The following PTPRN2 variants were observed in gnomAD, a reference collection of about 807,000 sequenced individuals.
PTPRN2 encodes protein tyrosine phosphatase receptor type N2.
In PTPRN2, 74 loss-of-function variants were observed where a neutral mutation model predicts 118.8. That is an observed-to-expected ratio of 0.62 (90% CI 0.52 to 0.76). The LOEUF is 0.76. PTPRN2 is among the 30% of genes least tolerant of loss of function. The probability of loss-of-function intolerance (pLI) is 0.00; values close to 1 mark genes in which losing one functional copy is unlikely to be tolerated. For missense variants in PTPRN2, 1,481 were observed against 1,394.4 expected (o/e 1.06, Z -0.99); for synonymous variants, 641 against 608.0 (o/e 1.05, Z -0.80).
intron 11 of PTPRN2, among the ~76,000 whole-genome samples, chr7:157,991,196 G>C (rs1804229529): frequency 6.6e-6 from 1 of 152,190 alleles, no homozygotes; most frequent in African/African-American, 2.4e-5. Context: ...GGGCATGACG[G>C]GCTCTGCTGT....
At chr7:158,024,631 C>T (rs1460515149) in intron 11 of PTPRN2, among the ~76,000 whole-genome samples, 2 of 152,174 alleles carry the variant, frequency 1.3e-5, no homozygotes, top group Non-Finnish European at 2.9e-5. Context: ...GGATGTGGCT[C>T]CTGACCCCAT....
At chr7:158,150,738 C>G (rs1016969753) in intron 6 of PTPRN2, among the ~76,000 whole-genome samples, 1 of 151,920 alleles carries the variant, frequency 6.6e-6, no homozygotes. Context: ...GCAAAGCTCT[C>G]TTCTTTCCTG....
At chr7:157,602,279 G>A (rs1298741697) in intron 16 of PTPRN2, among the ~76,000 whole-genome samples, 5 of 152,264 alleles carry the variant, frequency 3.3e-5, no homozygotes, top group African/African-American at 4.8e-5. Flanking sequence ...TGTGGGCCAC[G>A]AATTGCGGGA....
chr7:157,606,045 CT>C (rs1408015210), intron 15 of PTPRN2, among the ~76,000 whole-genome samples: 1 of 152,254 alleles, frequency 6.6e-6, no homozygotes, highest in Non-Finnish European at 1.5e-5. Context: ...CTGAGCTGCC[CT>C]CAGCCCTCCT....
At chr7:157,827,784 C>T (rs538185470) in intron 12 of PTPRN2, among the ~76,000 whole-genome samples, 7 of 152,346 alleles carry the variant, frequency 4.6e-5, no homozygotes, top group African/African-American at 9.6e-5. Context: ...CCTGAGCTGC[C>T]GGCCCCGCCC....
At chr7:158,102,525 G>A (rs969683974) in intron 10 of PTPRN2, among the ~76,000 whole-genome samples, 2 of 152,116 alleles carry the variant, frequency 1.3e-5, no homozygotes, top group African/African-American at 4.8e-5. Context: ...TTTAACTAAG[G>A]AGGCATCCAC....
intron 12 of PTPRN2, among the ~76,000 whole-genome samples, chr7:157,877,340 C>T (rs1795836907): frequency 2.0e-5 from 3 of 149,316 alleles, no homozygotes; most frequent in Admixed American, 2.0e-4. Flanking sequence ...AGGGTTTTCT[C>T]GGGGACCCCG....
chr7:157,544,882 G>GA (rs1798203762), intron 22 of PTPRN2, among the ~76,000 whole-genome samples: 3 of 151,806 alleles, frequency 2.0e-5, no homozygotes, highest in African/African-American at 2.4e-5. Flanking sequence ...TGCATCGTGT[G>GA]TGGGTGTGTA....
At chr7:158,184,988 TC>T (rs1825023059) in intron 5 of PTPRN2, among the ~76,000 whole-genome samples, 1 of 152,214 alleles carries the variant, frequency 6.6e-6, no homozygotes. Context: ...AAATGCTTTT[TC>T]CAGTATCTAC....
chr7:158,005,950 G>A (rs1424900015), intron 11 of PTPRN2, among the ~76,000 whole-genome samples: 7 of 152,198 alleles, frequency 4.6e-5, no homozygotes, highest in Admixed American at 4.6e-4. Flanking sequence ...AAACCTTAGA[G>A]GCTGAGGGGT....
At chr7:158,445,608 C>T (rs955454900) in intron 2 of PTPRN2, among the ~76,000 whole-genome samples, 2 of 152,236 alleles carry the variant, frequency 1.3e-5, no homozygotes, top group African/African-American at 2.4e-5. Context: ...ATAACGGGGC[C>T]GTCCTCCAAC....
At chr7:157,697,445 A>G (rs1797847269) in intron 12 of PTPRN2, among the ~76,000 whole-genome samples, 1 of 118,366 alleles carries the variant, frequency 8.4e-6, no homozygotes, top group Non-Finnish European at 1.7e-5. Context: ...CCATCTACCC[A>G]TGCATACTGG....
intron 3 of PTPRN2, among the ~76,000 whole-genome samples, chr7:158,290,960 A>G (rs567911926): frequency 5.9e-5 from 9 of 152,216 alleles, no homozygotes; most frequent in Non-Finnish European, 7.3e-5. Flanking sequence ...CAGGGAAAGG[A>G]GCATCTGATT....
intron 3 of PTPRN2, among the ~76,000 whole-genome samples, chr7:158,210,639 C>A (rs1448299241): frequency 6.6e-6 from 1 of 152,012 alleles, no homozygotes; most frequent in Non-Finnish European, 1.5e-5. Context: ...GGAGACATTA[C>A]AACTAATACT....
At chr7:158,291,359 A>G (rs566972536) in intron 3 of PTPRN2, among the ~76,000 whole-genome samples, 40 of 152,348 alleles carry the variant, frequency 2.6e-4, no homozygotes, top group Non-Finnish European at 5.0e-4. Context: ...AGAATCACAC[A>G]TATTTGTTGA....
chr7:158,524,433 AGTC>A (rs1260120461), intron 1 of PTPRN2, among the ~76,000 whole-genome samples: 2 of 136,686 alleles, frequency 1.5e-5, no homozygotes, highest in Admixed American at 7.3e-5. Context: ...CCTGGAGTGG[AGTC>A]GTCTACCCTG....
At chr7:158,402,642 C>T (rs920472040) in intron 2 of PTPRN2, among the ~76,000 whole-genome samples, 3 of 152,212 alleles carry the variant, frequency 2.0e-5, no homozygotes, top group East Asian at 1.9e-4. Context: ...GCTGTCCATG[C>T]GGCCTTGGGC....
intron 11 of PTPRN2, among the ~76,000 whole-genome samples, chr7:157,963,874 G>A (rs1801713079): frequency 6.6e-6 from 1 of 152,082 alleles, no homozygotes; most frequent in African/African-American, 2.4e-5. Context: ...CTTTTGTTTT[G>A]TTTTATTTTT....
chr7:157,623,862 T>C (rs1803409661), intron 14 of PTPRN2, among the ~76,000 whole-genome samples: 1 of 152,278 alleles, frequency 6.6e-6, no homozygotes, highest in Non-Finnish European at 1.5e-5. Flanking sequence ...TGATCTGTTC[T>C]GTATTCTTCT....
Sources: allele counts gnomAD v4.1 joint callset (sites outside exome capture counted in the v4.1 genomes callset), GRCh38; gene constraint gnomAD v4.1.1; transcripts MANE v1.5; gene names NCBI Gene and HGNC (gene_info 2026-07-23, HGNC 2026-07-21).